Variants in CAMK1D observed in about 807,000 individuals in gnomAD.
CAMK1D encodes the protein calcium/calmodulin-dependent protein kinase type 1D.
Under a neutral mutation model 47.7 loss-of-function variants are expected in CAMK1D, and 9 were observed. The observed-to-expected ratio is 0.19, with a 90% CI of 0.11 to 0.33. The LOEUF (loss-of-function observed/expected upper bound fraction) is 0.33, where lower values mean the gene tolerates loss of function less well. Among genes scored for constraint, CAMK1D ranks in the 10% least tolerant of loss-of-function variants. The pLI, the probability that CAMK1D is intolerant of heterozygous loss-of-function variation, is 1.00. For synonymous variants in CAMK1D, 184 were observed against 184.9 expected (o/e 0.99, Z 0.04); for missense variants, 291 against 488.7 (o/e 0.60, Z 3.81).
intron 3 of CAMK1D, among the ~76,000 whole-genome samples, chr10:12,700,434 G>T (rs1013966906): frequency 6.6e-6 from 1 of 152,104 alleles, no homozygotes; most frequent in African/African-American, 2.4e-5. Context: ...GCAGCATGGG[G>T]GTAACCGCCC....
At chr10:12,596,690 A>G (rs1838155070) in intron 2 of CAMK1D, among the ~76,000 whole-genome samples, 2 of 152,114 alleles carry the variant, frequency 1.3e-5, no homozygotes, top group South Asian at 4.2e-4. Context: ...CCCTACCCTC[A>G]AAGATTTGGA....
intron 1 of CAMK1D, among the ~76,000 whole-genome samples, chr10:12,429,034 C>T (rs1357496737): frequency 6.6e-6 from 1 of 152,144 alleles, no homozygotes; most frequent in Non-Finnish European, 1.5e-5. Flanking sequence ...TGTAGCAGCC[C>T]GAATGCAGGA....
intron 1 of CAMK1D, among the ~76,000 whole-genome samples, chr10:12,421,081 C>A (rs150217778): frequency 2.6e-5 from 4 of 152,308 alleles, no homozygotes; most frequent in African/African-American, 9.6e-5. Flanking sequence ...GGAGACGGGA[C>A]AGGCTGAATG....
At chr10:12,755,518 G>A (rs1836187092) in intron 3 of CAMK1D, among the ~76,000 whole-genome samples, 1 of 152,190 alleles carries the variant, frequency 6.6e-6, no homozygotes, top group Non-Finnish European at 1.5e-5. Context: ...TATATACCCA[G>A]TAATGGGGTT....
intron 5 of CAMK1D, among the ~76,000 whole-genome samples, chr10:12,780,157 G>A (rs1053181647): frequency 2.0e-5 from 3 of 152,106 alleles, no homozygotes; most frequent in African/African-American, 7.2e-5. Flanking sequence ...AGGGATCACT[G>A]CACTTCTAGA....
intron 3 of CAMK1D, among the ~76,000 whole-genome samples, chr10:12,720,733 G>A (rs984021191): frequency 1.3e-5 from 2 of 152,088 alleles, no homozygotes; most frequent in Non-Finnish European, 2.9e-5. Flanking sequence ...TTTCCCTCTC[G>A]AATGGCCCCG....
intron 1 of CAMK1D, among the ~76,000 whole-genome samples, chr10:12,379,606 A>G (rs1376140070): frequency 6.6e-6 from 1 of 152,074 alleles, no homozygotes; most frequent in African/African-American, 2.4e-5. Flanking sequence ...TACAAAAATT[A>G]GCCGGGCATG....
intron 2 of CAMK1D, among the ~76,000 whole-genome samples, chr10:12,648,573 C>T (rs1049412401): frequency 4.6e-5 from 7 of 152,280 alleles, no homozygotes; most frequent in African/African-American, 1.2e-4. Flanking sequence ...CAGATTCAAG[C>T]GATTCTTCTG....
chr10:12,616,646 T>G (rs1043786648), intron 2 of CAMK1D, among the ~76,000 whole-genome samples: 1 of 151,872 alleles, frequency 6.6e-6, no homozygotes, highest in Non-Finnish European at 1.5e-5. Flanking sequence ...GCCTCCCGAG[T>G]AGCTGGGACT....
rs1554831842 is a variant in CAMK1D at position 12,827,472 on chromosome 10, G to GTCTTTCCT, written c.1040-1291_1040-1290insCTTCTTTC. On this transcript the variant is annotated intron_variant, in intron 10 of 10. Transcript: ENST00000619168. ...CTTTCTTTTCTTTCTTTGTCTGTCT[G>GTCTTTCCT]TCTTTCTTTCTTTCTTTCTTTCTTT... Among the ~76,000 whole-genome samples the GTCTTTCCT allele has an allele frequency of 3.9e-4, 2 of 5,098 alleles. 1 individual carries two copies. The highest frequency in any genetic ancestry group is 9.6e-4 in the Non-Finnish European group (2 of 2,086). 3.3% of individuals were successfully genotyped at this position (5,098 alleles called of 152,430 possible).
chr10:12,626,405 G>A (rs1384661522), intron 2 of CAMK1D, among the ~76,000 whole-genome samples: 1 of 151,320 alleles, frequency 6.6e-6, no homozygotes, highest in Non-Finnish European at 1.5e-5. Flanking sequence ...CTTTGATTCT[G>A]TCTCCTCAAA....
intron 4 of CAMK1D, among the ~76,000 whole-genome samples, chr10:12,766,350 G>T: frequency 8.7e-6 from 1 of 115,318 alleles, no homozygotes; most frequent in African/African-American, 3.3e-5. Context: ...CCAGCCCCAC[G>T]TTGCCTGTTT....
At chr10:12,455,353 T>G (rs1467244284) in intron 1 of CAMK1D, among the ~76,000 whole-genome samples, 1 of 152,176 alleles carries the variant, frequency 6.6e-6, no homozygotes, top group African/African-American at 2.4e-5. Context: ...CGTATTTTTT[T>G]GTAGAGACAG....
At chr10:12,538,885 CAAAAA>C (rs60713871) in intron 1 of CAMK1D, among the ~76,000 whole-genome samples, 43 of 89,172 alleles carry the variant, frequency 4.8e-4, no homozygotes, top group African/African-American at 1.4e-3. Context: ...AAAACTGAGG[CAAAAA>C]AAAAAAAAAA....
intron 1 of CAMK1D, among the ~76,000 whole-genome samples, chr10:12,465,423 C>T (rs1440422721): frequency 1.3e-5 from 2 of 151,698 alleles, no homozygotes; most frequent in Admixed American, 6.6e-5. Context: ...GGTGTGATCT[C>T]GGCTCACTGC....
intron 2 of CAMK1D, among the ~76,000 whole-genome samples, chr10:12,663,076 C>T (rs1286972154): frequency 6.6e-6 from 1 of 152,192 alleles, no homozygotes; most frequent in Non-Finnish European, 1.5e-5. Flanking sequence ...ATTGTCCTGC[C>T]TCAGCCTCTG....
chr10:12,547,651 A>AC (rs1554786340), intron 1 of CAMK1D, among the ~76,000 whole-genome samples: 1 of 38,414 alleles, frequency 2.6e-5, no homozygotes, highest in African/African-American at 1.5e-4. Context: ...CCCCCCCCCA[A>AC]CCCTGCACTC....
chr10:12,637,780 T>C lies in CAMK1D; in HGVS notation c.225-28956T>C, dbSNP rs900343073. On this transcript the variant is annotated intron_variant, in intron 2 of 10. Coordinates refer to ENST00000619168, the MANE Select transcript of CAMK1D (RefSeq NM_153498.4). ...CCTTTGTGAGGCTGTGGTGCTATAT[T>C]GAGGCGGCTCACTCAGATGGGAACA... Among the ~76,000 whole-genome samples the C allele has an allele frequency of 2.2e-4, 33 of 152,306 alleles. No individual in the cohort carries two copies. The South Asian group carries it at 2.3e-3, about 11-fold the overall frequency.
intron 6 of CAMK1D, 49 bp downstream of exon 6, chr10:12,791,282 G>A (rs762699170): frequency 1.3e-6 from 2 of 1,549,744 alleles, no homozygotes; most frequent in Admixed American, 3.4e-5. Flanking sequence ...GCCTTTTTTT[G>A]TTTGGTGAAA....
Sources: gnomAD v4.1 joint callset for allele counts (sites outside exome capture counted in the v4.1 genomes callset) on GRCh38, gnomAD v4.1.1 for gene constraint, MANE v1.5 for transcripts, NCBI Gene and HGNC (gene_info 2026-07-23, HGNC 2026-07-21) for gene names.